Variants in NRXN3 observed in about 807,000 individuals in gnomAD.
The protein encoded by NRXN3 is neurexin III.
In NRXN3, 32 loss-of-function variants were observed where a neutral mutation model predicts 137.6. That is an observed-to-expected ratio of 0.23 (90% CI 0.18 to 0.31). The LOEUF is 0.31. Ranked by LOEUF, NRXN3 falls within the 10% of genes least tolerant of loss-of-function variation. The probability of loss-of-function intolerance (pLI) is 1.00; values close to 1 mark genes in which losing one functional copy is unlikely to be tolerated. For missense variants in NRXN3, 1,574 were observed against 2,062.5 expected (o/e 0.76, Z 4.59); for synonymous variants, 798 against 784.5 (o/e 1.02, Z -0.29).
At chr14:79,110,335 C>G (rs1156674975) in intron 15 of NRXN3, among the ~76,000 whole-genome samples, 2 of 152,216 alleles carry the variant, frequency 1.3e-5, no homozygotes. Flanking sequence ...GGCCAACCTT[C>G]AAATTGCACT....
At chr14:79,725,320 A>G (rs967136865) in intron 19 of NRXN3, among the ~76,000 whole-genome samples, 1 of 152,128 alleles carries the variant, frequency 6.6e-6, no homozygotes, top group Non-Finnish European at 1.5e-5. Flanking sequence ...AAGGCATTCA[A>G]TCTTTGATGT....
At chr14:79,290,940 C>T (rs548610189) in intron 15 of NRXN3, among the ~76,000 whole-genome samples, 8 of 152,262 alleles carry the variant, frequency 5.3e-5, no homozygotes, top group African/African-American at 1.7e-4. Flanking sequence ...CCATTCTAGC[C>T]ACTTTCTGAT....
chr14:79,314,258 G>C (rs1372126556), intron 15 of NRXN3: 2 of 131,088 alleles, frequency 1.5e-5, no homozygotes, highest in East Asian at 2.3e-4. Context: ...CCTGGGAAGC[G>C]CAAGGGGTCA....
At chr14:78,863,259 A>G (rs543996459) in intron 10 of NRXN3, among the ~76,000 whole-genome samples, 1 of 152,150 alleles carries the variant, frequency 6.6e-6, no homozygotes, top group Non-Finnish European at 1.5e-5. Flanking sequence ...AGTTCCAAAA[A>G]GAAAACAAAT....
chr14:79,222,998 T>C (rs973986130), intron 15 of NRXN3, among the ~76,000 whole-genome samples: 1 of 152,166 alleles, frequency 6.6e-6, no homozygotes, highest in Non-Finnish European at 1.5e-5. Flanking sequence ...TACATCATGC[T>C]TTTAATTGTA....
intron 4 of NRXN3, among the ~76,000 whole-genome samples, chr14:78,575,916 A>T (rs1419707053): frequency 6.6e-6 from 1 of 152,224 alleles, no homozygotes; most frequent in African/African-American, 2.4e-5. Context: ...TAACAGTGAC[A>T]GCATACTGCT....
At chr14:78,938,851 T>TTTTTC (rs1178035405) in intron 10 of NRXN3, among the ~76,000 whole-genome samples, 3 of 146,952 alleles carry the variant, frequency 2.0e-5, no homozygotes, top group Non-Finnish European at 4.5e-5. Context: ...GATTTTTCTT[T>TTTTTC]TTTTTTTTTT....
At chr14:79,280,434 C>T in intron 15 of NRXN3, 2 of 1,614,138 alleles carry the variant, frequency 1.2e-6, no homozygotes, top group Non-Finnish European at 8.5e-7. Context: ...ACCTCTTCCT[C>T]GCCGGGGTCT....
chr14:79,375,941 T>G lies in NRXN3; in HGVS notation c.3263-91280T>G, dbSNP rs888062961. ...AAATGTAGGAGCATGGTTGAAAGAA[T>G]AAATCTTTAGAAAATAATGTATGAG... On this transcript the variant is annotated intron_variant, in intron 15 of 20. Coordinates refer to ENST00000335750, the MANE Select transcript of NRXN3 (RefSeq NM_001330195.2). 1.3e-4 allele frequency among the ~76,000 whole-genome samples: 20 copies of G among 151,240 alleles called. No homozygotes were observed. The East Asian group carries it at 3.9e-3, about 29-fold the overall frequency.
At chr14:78,421,038 G>A (rs775887126) in intron 4 of NRXN3, among the ~76,000 whole-genome samples, 1 of 152,182 alleles carries the variant, frequency 6.6e-6, no homozygotes, top group Non-Finnish European at 1.5e-5. Context: ...TACAAGGCAG[G>A]CAGATCACAA....
chr14:79,364,978 C>T (rs146394942), intron 15 of NRXN3, among the ~76,000 whole-genome samples: 1 of 152,130 alleles, frequency 6.6e-6, no homozygotes, highest in East Asian at 1.9e-4. Context: ...CATTGACCTG[C>T]AATATTAGGT....
intron 10 of NRXN3, among the ~76,000 whole-genome samples, chr14:78,848,737 G>A (rs966155571): frequency 1.4e-4 from 22 of 152,086 alleles, no homozygotes; most frequent in African/African-American, 5.3e-4. Context: ...TTCAGATCTC[G>A]AGAATATTTA....
At chr14:78,526,443 A>G (rs1471360963) in intron 4 of NRXN3, among the ~76,000 whole-genome samples, 2 of 152,228 alleles carry the variant, frequency 1.3e-5, no homozygotes, top group African/African-American at 2.4e-5. Context: ...GAGTCAGGAA[A>G]ACTATATTCC....
At chr14:78,843,348 A>C (rs2099017966) in intron 10 of NRXN3, among the ~76,000 whole-genome samples, 1 of 152,120 alleles carries the variant, frequency 6.6e-6, no homozygotes, top group South Asian at 2.1e-4. Context: ...TTGGTAAGAC[A>C]CGTATTCTTT....
At chr14:78,421,860 C>CT (rs2153678105) in intron 4 of NRXN3, among the ~76,000 whole-genome samples, 1 of 152,180 alleles carries the variant, frequency 6.6e-6, no homozygotes, top group South Asian at 2.1e-4. Flanking sequence ...TTCTGATTAA[C>CT]TTTTTCCCTT....
intron 8 of NRXN3, among the ~76,000 whole-genome samples, chr14:78,749,372 T>A (rs1237247388): frequency 6.6e-6 from 1 of 152,196 alleles, no homozygotes; most frequent in Non-Finnish European, 1.5e-5. Context: ...GCTTTTATGC[T>A]CATTTCACCT....
chr14:79,782,301 G>A (rs1420555514), intron 19 of NRXN3, among the ~76,000 whole-genome samples: 1 of 152,136 alleles, frequency 6.6e-6, no homozygotes, highest in African/African-American at 2.4e-5. Flanking sequence ...TTCCCCTATA[G>A]TTTCATGGAG....
intron 4 of NRXN3, among the ~76,000 whole-genome samples, chr14:78,321,969 A>T (rs569910061): frequency 6.6e-6 from 1 of 152,032 alleles, no homozygotes; most frequent in East Asian, 1.9e-4. Flanking sequence ...GGCTTCCAAT[A>T]CACACTCCCT....
intron 4 of NRXN3, among the ~76,000 whole-genome samples, chr14:78,558,696 A>C (rs2096760322): frequency 6.6e-6 from 1 of 152,200 alleles, no homozygotes; most frequent in Non-Finnish European, 1.5e-5. Context: ...ATAATCCAAT[A>C]AGCAGCTTAT....
Sources: allele counts gnomAD v4.1 joint callset (sites outside exome capture counted in the v4.1 genomes callset), GRCh38; gene constraint gnomAD v4.1.1; transcripts MANE v1.5; gene names NCBI Gene and HGNC (gene_info 2026-07-23, HGNC 2026-07-21).